LMX1B: variants seen among roughly 807,000 people sequenced by gnomAD.
The protein encoded by LMX1B is LIM homeobox transcription factor 1 beta.
A neutral mutation model predicts 51.4 loss-of-function variants in LMX1B; 12 were observed. That is an observed-to-expected ratio of 0.23 (90% confidence interval 0.15 to 0.38). The LOEUF (loss-of-function observed/expected upper bound fraction) is 0.38, where lower values mean the gene tolerates loss of function less well. Among genes scored for constraint, LMX1B ranks in the 10% least tolerant of loss-of-function variants. The pLI is 1.00. For synonymous variants in LMX1B, 237 were observed against 235.4 expected, an observed-to-expected ratio of 1.01 and a Z score of -0.06; for missense variants, 445 against 571.1, an observed-to-expected ratio of 0.78 and a Z score of 2.25.
rs1419763101 is a variant in LMX1B at position 126,626,986 on chromosome 9, G to A, written c.326+11417G>A. Among the ~76,000 whole-genome samples the A allele has an allele frequency of 2.0e-5, 3 of 152,236 alleles. No individual in the cohort carries two copies. The highest frequency in any genetic ancestry group is 2.0e-4 in the Admixed American group (3 of 15,290). ...TGCAGGGAAGAGGCCTTGGTCTTGG[G>A]GGAGGCCCCCGCCTGAGCATTGATA... is the stretch of plus-strand genomic sequence containing the variant. On this transcript the variant is annotated intron_variant, in intron 2 of 7. Transcript: ENST00000373474. The surrounding 1 kb of genome is among the most constrained non-coding windows in gnomAD (Gnocchi z 4.3).
Position 126,695,371 on chromosome 9 carries a change from C to G in LMX1B, c.887-468C>G, listed in dbSNP as rs1015387015. Among the ~76,000 whole-genome samples, 1 of 152,198 alleles carries G rather than the reference C, an allele frequency of 6.6e-6. No homozygotes were observed. The highest frequency in any genetic ancestry group is 1.5e-5 in the Non-Finnish European group (1 of 68,026). On this transcript the variant is annotated intron_variant, in intron 6 of 7. Transcript: ENST00000373474. This position sits in a 1 kb window ranked among gnomAD's most constrained non-coding sequence, Gnocchi z 5.2. Reference sequence around the variant, plus strand: ...ACGTGCTGCACCCTCACTTACCCGGCGGTCTGTCTCCTCCATGCCTTTGCC... The same window carrying G: ...ACGTGCTGCACCCTCACTTACCCGGGGGTCTGTCTCCTCCATGCCTTTGCC...
At chr9:126,653,142 C>CCTTTTTTTTTTT (rs1836052619) in intron 2 of LMX1B, among the ~76,000 whole-genome samples, 1 of 55,362 alleles carries the variant, frequency 1.8e-5, no homozygotes, top group African/African-American at 7.2e-5. Flanking sequence ...CAAGTAGATG[C>CCTTTTTTTTTTT]TTTTTTTTTT....
At chr9:126,664,168 C>A (rs1273004541) in intron 2 of LMX1B, among the ~76,000 whole-genome samples, 3 of 152,160 alleles carry the variant, frequency 2.0e-5, no homozygotes, top group African/African-American at 4.8e-5. Flanking sequence ...ACAGCTGGCC[C>A]CAGGTCTGAG....
At chr9:126,622,481 A>T (rs555806781) in intron 2 of LMX1B, among the ~76,000 whole-genome samples, 1 of 152,160 alleles carries the variant, frequency 6.6e-6, no homozygotes. Flanking sequence ...ATGCTGAGAC[A>T]CAGGGCCGCC....
rs763031324 is a variant in LMX1B, at chr9:126,620,468, G to A, written c.326+4899G>A. Among the ~76,000 whole-genome samples, 7 of 152,152 alleles carry A rather than the reference G, an allele frequency of 4.6e-5. No homozygotes were observed. In the East Asian group the frequency reaches 5.8e-4, roughly 13 times the overall value. On this transcript the variant is annotated intron_variant, in intron 2 of 7. Transcript: ENST00000373474. ...AACTTTAATAAATATTCCATTCTCC[G>A]GGGGATCCATTATCCTCTCCTGCAC...
At chr9:126,646,190 G>T (rs1281396381) in intron 2 of LMX1B, among the ~76,000 whole-genome samples, 1 of 152,140 alleles carries the variant, frequency 6.6e-6, no homozygotes, top group Admixed American at 6.5e-5. Context: ...TTGATATGAA[G>T]TGACATGTCA....
rs1836445046 is a variant in LMX1B, at chr9:126,671,259, T to C, written c.327-19577T>C. Among the ~76,000 whole-genome samples, 1 of 152,176 alleles carries C rather than the reference T, an allele frequency of 6.6e-6. No homozygotes were observed. Among genetic ancestry groups the C allele is most frequent in the African/African-American group, 2.4e-5 (1 of 41,444 alleles). On this transcript the variant is annotated intron_variant, in intron 2 of 7. Transcript: ENST00000373474. This position sits in a 1 kb window ranked among gnomAD's most constrained non-coding sequence, Gnocchi z 4.4. ...GCTCGGAAATCGGTCATAAATTTCT[T>C]GAGATGCTTTAATTTTTTAAAAGCC...
chr9:126,684,285 G>A (rs1836732792), intron 2 of LMX1B, among the ~76,000 whole-genome samples: 2 of 152,142 alleles, frequency 1.3e-5, no homozygotes, highest in Non-Finnish European at 2.9e-5. Flanking sequence ...AGACAGACAG[G>A]GAGAGCACAG....
In LMX1B at chr9:126,698,695, T is replaced by G. The variant is rs1340915872; in HGVS notation, c.*2244T>G. The G allele has an allele frequency of 6.6e-6, 1 of 152,496 alleles. No individual in the cohort carries two copies. The highest frequency in any genetic ancestry group is 1.5e-5 in the Non-Finnish European group (1 of 68,246). The allele number at this position is 152,496 out of a possible 1,614,324, so 9.4% of individuals were successfully genotyped here. A position where few individuals can be genotyped will look rare whatever the true frequency, so the allele number is the denominator to read the frequency against. On this transcript the variant is annotated 3_prime_UTR_variant, in exon 8 of 8. Transcript: ENST00000373474. ...CCTAAAGTCTGCCTGGTCCAACCTT[T>G]GAGCAAGTAAGGATAATGAATGTCC...
At position 126,693,441 on chromosome 9, in the gene LMX1B, C is replaced by T. The variant is rs1164154254; in HGVS notation, c.742-83C>T. ...CATCCCTCCATCCTCCATCTCTCCG[C>T]ACATCCCATCATACCCCTAAACCCA... On this transcript the variant is annotated intron_variant, in intron 4 of 7. Coordinates refer to ENST00000373474, the MANE Select transcript of LMX1B (RefSeq NM_001174147.2). The T allele has an allele frequency of 2.6e-6, 4 of 1,548,620 alleles. No individual in the cohort carries two copies. In the African/African-American group the frequency reaches 5.4e-5, roughly 21 times the overall value.
intron 2 of LMX1B, among the ~76,000 whole-genome samples, chr9:126,663,348 C>T (rs1316408835): frequency 1.3e-5 from 2 of 151,232 alleles, no homozygotes; most frequent in South Asian, 2.1e-4. Flanking sequence ...TCACTTAACC[C>T]GGGAGGCAGA....
chr9:126,695,582 T>C lies in LMX1B; in HGVS notation c.887-257T>C, dbSNP rs1345003683. 6.6e-6 allele frequency among the ~76,000 whole-genome samples: 1 copy of C among 152,060 alleles called. No individual in the cohort carries two copies. Among genetic ancestry groups the C allele is most frequent in the African/African-American group, 2.4e-5 (1 of 41,400 alleles). ...TATTGCCTGTGTGGGGTCTGCCGCCTCCCTGGATCCCCTGGAGGGGCGGGG... is the reference window on the plus strand; with the variant it reads ...TATTGCCTGTGTGGGGTCTGCCGCCCCCCTGGATCCCCTGGAGGGGCGGGG... On this transcript the variant is annotated intron_variant, in intron 6 of 7. Transcript: ENST00000373474. This position sits in a 1 kb window ranked among gnomAD's most constrained non-coding sequence, Gnocchi z 5.2.
intron 2 of LMX1B, among the ~76,000 whole-genome samples, chr9:126,654,804 T>C (rs543279242): frequency 1.3e-5 from 2 of 152,148 alleles, no homozygotes; most frequent in Non-Finnish European, 2.9e-5. Context: ...GTATCTCTCA[T>C]CTTTACTCCC....
intron 2 of LMX1B, among the ~76,000 whole-genome samples, chr9:126,637,059 C>G (rs1005202060): frequency 2.6e-5 from 4 of 152,232 alleles, no homozygotes; most frequent in Non-Finnish European, 5.9e-5. Context: ...CAGAGGCCAC[C>G]AGCATAAGCT....
chr9:126,664,575 C>A (rs76765956), intron 2 of LMX1B, among the ~76,000 whole-genome samples: 13 of 152,320 alleles, frequency 8.5e-5, no homozygotes, highest in African/African-American at 2.9e-4. Context: ...GTACTAGGTA[C>A]TTAATAAATG....
At position 126,625,872 on chromosome 9, in the gene LMX1B, C is replaced by T. The variant is rs1345307359; in HGVS notation, c.326+10303C>T. ...GAACTCCGGCAGGCGCAGCGGGCGC[C>T]GAGGCTTGGGCTTTAGCCGTGGCGC... is the stretch of plus-strand genomic sequence containing the variant. On this transcript the variant is annotated intron_variant, in intron 2 of 7. Transcript: ENST00000373474. This position sits in a 1 kb window ranked among gnomAD's most constrained non-coding sequence, Gnocchi z 5.3. Among the ~76,000 whole-genome samples, 8 of 152,192 alleles carry T rather than the reference C, an allele frequency of 5.3e-5. No individual in the cohort carries two copies.
intron 2 of LMX1B, among the ~76,000 whole-genome samples, chr9:126,623,960 C>T (rs1835470342): frequency 1.3e-5 from 2 of 152,244 alleles, no homozygotes; most frequent in African/African-American, 4.8e-5. Context: ...AGTGGGATGA[C>T]ACCATGCATA....
In LMX1B at chr9:126,614,506, G is replaced by A. The variant is rs376265443; in HGVS notation, c.57G>A (p.Thr19=). The A allele has an allele frequency of 1.2e-5, 19 of 1,606,662 alleles. No homozygotes were observed. Among genetic ancestry groups the A allele is most frequent in the African/African-American group, 2.7e-5 (2 of 74,734 alleles). The change falls in exon 1 of 8, where the codon ACG becomes ACA. Residue 19 remains threonine (T), a synonymous_variant. Transcript: ENST00000373474. The part of the protein sequence containing the change: ...SLERCFPRGQ[T]DCAKMLDGIK... ...AGAGGTGCTTCCCTCGCGGGCAGAC[G>A]GACTGCGCCAAGATGTTGGACGGCA...
chr9:126,655,677 C>T (rs1340230786), intron 2 of LMX1B, among the ~76,000 whole-genome samples: 2 of 152,156 alleles, frequency 1.3e-5, no homozygotes, highest in Admixed American at 1.3e-4. Flanking sequence ...TGCTAAGCTT[C>T]CCTTGGAAAT....
Sources: allele counts gnomAD v4.1 joint callset (sites outside exome capture counted in the v4.1 genomes callset), GRCh38; gene constraint gnomAD v4.1.1; non-coding constraint Gnocchi (gnomAD v3.1); transcripts MANE v1.5; gene names NCBI Gene and HGNC (gene_info 2026-07-23, HGNC 2026-07-21).